The following MDH2 variants were observed in gnomAD, a reference collection of about 807,000 sequenced individuals.
MDH2 encodes the protein malate dehydrogenase 2.
A neutral mutation model predicts 33.6 loss-of-function variants in MDH2; 25 were observed. That is an observed-to-expected ratio of 0.74 (90% CI 0.54 to 1.04). MDH2 has a LOEUF of 1.04. Ranked by LOEUF, MDH2 falls within the 50% of genes least tolerant of loss-of-function variation. MDH2 has a pLI of 0.00. For missense variants in MDH2, 432 were observed against 445.0 expected, an observed-to-expected ratio of 0.97 and a Z score of 0.26; for synonymous variants, 193 against 188.7, an observed-to-expected ratio of 1.02 and a Z score of -0.19.
intron 1 of MDH2, among the ~76,000 whole-genome samples, chr7:76,050,699 C>G (rs2116646046): frequency 6.6e-6 from 1 of 152,152 alleles, no homozygotes; most frequent in African/African-American, 2.4e-5. Flanking sequence ...TTGTGGTTAT[C>G]TAGGTGCAGG....
At chr7:76,052,294 A>C (rs1381047508) in intron 1 of MDH2, among the ~76,000 whole-genome samples, 1 of 152,074 alleles carries the variant, frequency 6.6e-6, no homozygotes, top group Non-Finnish European at 1.5e-5. Flanking sequence ...CATTTCTACA[A>C]AATGAGTGGT....
intron 4 of MDH2, among the ~76,000 whole-genome samples, chr7:76,059,437 C>G (rs1188080050): frequency 6.6e-6 from 1 of 152,242 alleles, no homozygotes; most frequent in Non-Finnish European, 1.5e-5. Context: ...CGCGGACACA[C>G]ACACAGCCAC....
chr7:76,065,826 G>A (rs545912339), intron 8 of MDH2, among the ~76,000 whole-genome samples: 3 of 152,312 alleles, frequency 2.0e-5, no homozygotes, highest in Admixed American at 2.0e-4. Context: ...CCTGATTCAG[G>A]TGACTGTGAC....
In MDH2 at chr7:76,048,172, C is replaced by A. The variant is rs1412036198; in HGVS notation, c.12C>A (p.Ala4=). The stretch of plus-strand genomic sequence containing the variant: ...CTCCCGCTCCAGCCATGCTCTCCGC[C>A]CTCGCCCGGCCTGCCAGCGCTGCTC... MLS[A]LARPASAALR... Residue 4 remains alanine, a synonymous_variant, in exon 1 of 9, where the codon GCC becomes GCA. Coordinates refer to ENST00000315758, the MANE Select transcript of MDH2 (RefSeq NM_005918.4). The A allele has an allele frequency of 5.9e-6, 9 of 1,536,432 alleles. No homozygotes were observed. The highest frequency in any genetic ancestry group is 7.8e-6 in the Non-Finnish European group (9 of 1,146,600).
intron 2 of MDH2, 112 bp from the exon 3 acceptor site, chr7:76,057,298 G>T: frequency 9.6e-7 from 1 of 1,038,038 alleles, no homozygotes; most frequent in South Asian, 1.5e-5. Context: ...GTTACAGGCA[G>T]GGCTTCTAGC....
At chr7:76,059,684 G>A (rs897835320) in intron 4 of MDH2, among the ~76,000 whole-genome samples, 9 of 152,214 alleles carry the variant, frequency 5.9e-5, no homozygotes, top group African/African-American at 2.2e-4. Context: ...AGGCATGGAT[G>A]CCAGCAGGCA....
At chr7:76,054,573 T>C (rs1411733801) in intron 1 of MDH2, 5 of 463,900 alleles carry the variant, frequency 1.1e-5, no homozygotes, top group Non-Finnish European at 1.5e-5. Context: ...GTCCAGCTTG[T>C]TCTTCATCTT....
chr7:76,057,604 T>C, intron 3 of MDH2, 111 bp downstream of exon 3: 1 of 1,064,168 alleles, frequency 9.4e-7, no homozygotes, highest in South Asian at 1.5e-5. Context: ...AGGAAAAATG[T>C]CACCAGCTCC....
At position 76,063,319 on chromosome 7, in the gene MDH2, G is replaced by A. The variant is rs373028997; in HGVS notation, c.556-196G>A. Among the ~76,000 whole-genome samples the A allele has an allele frequency of 3.3e-5, 5 of 152,336 alleles. No homozygotes were observed. In the East Asian group the frequency reaches 5.8e-4, roughly 18 times the overall value. ...GCAAGCCCTCACGGCACCTGCTGGC[G>A]CTCATGCTCAGCCTTTTGGGGCACC... On this transcript the variant is annotated intron_variant, in intron 5 of 8. Transcript: ENST00000315758.
intron 1 of MDH2, chr7:76,048,939 TAAAA>T (rs1797455675): frequency 1.1e-6 from 1 of 913,640 alleles, no homozygotes; most frequent in Admixed American, 9.0e-5. Flanking sequence ...AGAAAGCTAA[TAAAA>T]AACAGACGTC....
At chr7:76,055,122 A>C (rs1224457211) in intron 2 of MDH2, 124 bp downstream of exon 2, 3 of 1,151,088 alleles carry the variant, frequency 2.6e-6, no homozygotes, top group South Asian at 1.8e-5. Context: ...TTTTAAATTT[A>C]AATTTTACAA....
chr7:76,061,670 A>T (rs10216079), intron 5 of MDH2, among the ~76,000 whole-genome samples: 1 of 150,724 alleles, frequency 6.6e-6, no homozygotes, highest in Non-Finnish European at 1.5e-5. Flanking sequence ...AGTTTGAGTG[A>T]GCAGGTGAGC....
At chr7:76,061,666 A>G (rs1044079027) in intron 5 of MDH2, among the ~76,000 whole-genome samples, 1 of 150,280 alleles carries the variant, frequency 6.7e-6, no homozygotes, top group African/African-American at 2.4e-5. Context: ...AAACAGTTTG[A>G]GTGAGCAGGT....
At chr7:76,057,757 G>C (rs963958303) in intron 3 of MDH2, among the ~76,000 whole-genome samples, 1 of 152,040 alleles carries the variant, frequency 6.6e-6, no homozygotes, top group Admixed American at 6.6e-5. Context: ...AACCTCGACG[G>C]TCCTTCTCAG....
At position 76,054,871 on chromosome 7, in the gene MDH2, C is replaced by T. The variant is rs782294941; in HGVS notation, c.108C>T (p.Ile36=). The change falls in exon 2 of 9, where the codon ATC becomes ATT. Residue 36 remains isoleucine (I), a synonymous_variant. Coordinates refer to ENST00000315758, the MANE Select transcript of MDH2 (RefSeq NM_005918.4). ...CTGTGCTAGGGGCCTCTGGAGGCAT[C>T]GGGCAGCCACTTTCACTTCTCCTGA... ...KVAVLGASGG[I]GQPLSLLLKN... is the part of the protein sequence containing the mutation. The T allele has an allele frequency of 3.7e-6, 6 of 1,614,060 alleles. No individual in the cohort carries two copies. In the South Asian group the frequency reaches 4.4e-5, roughly 12 times the overall value.
chr7:76,063,691 C>A (rs1637039), intron 6 of MDH2, 99 bp downstream of exon 6: 1 of 1,233,042 alleles, frequency 8.1e-7, no homozygotes, highest in Non-Finnish European at 1.2e-6. Flanking sequence ...GGCCTGGCCA[C>A]GTGCCAGGTT....
rs1384890292 is a variant in MDH2, at chr7:76,066,960, C to T, written c.*550C>T. 1 of 152,262 alleles carries T rather than the reference C, an allele frequency of 6.6e-6. No homozygotes were observed. 9.4% of individuals were successfully genotyped at this position (152,262 alleles called of 1,614,324 possible). A position where few individuals can be genotyped will look rare whatever the true frequency, so the allele number is the denominator to read the frequency against. On this transcript the variant is annotated 3_prime_UTR_variant, in exon 9 of 9. Transcript: ENST00000315758. ...GAGCTTCCTCTACTGACCTCTGTCCCCCTTGGGATTTCATCTTCTGACCGA... is the reference window on the plus strand; with the variant it reads ...GAGCTTCCTCTACTGACCTCTGTCCTCCTTGGGATTTCATCTTCTGACCGA...
At chr7:76,049,783 G>A (rs1585396120) in intron 1 of MDH2, among the ~76,000 whole-genome samples, 2 of 152,138 alleles carry the variant, frequency 1.3e-5, no homozygotes, top group African/African-American at 4.8e-5. Context: ...TGATGAACAT[G>A]CAAGAAAAAT....
intron 4 of MDH2, among the ~76,000 whole-genome samples, chr7:76,059,737 C>T (rs1012122308): frequency 6.6e-6 from 1 of 152,204 alleles, no homozygotes; most frequent in Admixed American, 6.5e-5. Flanking sequence ...CTGCGTTCCC[C>T]AGAAGCTCCT....
Sources: allele counts gnomAD v4.1 joint callset (sites outside exome capture counted in the v4.1 genomes callset), GRCh38; gene constraint gnomAD v4.1.1; transcripts MANE v1.5; gene names NCBI Gene and HGNC (gene_info 2026-07-23, HGNC 2026-07-21).